The following GFPT1 variants were observed in gnomAD, a reference collection of about 807,000 sequenced individuals.
The protein encoded by GFPT1 is glutamine--fructose-6-phosphate transaminase 1.
GFPT1 carries 40 observed loss-of-function variants against 92.0 expected under a neutral mutation model. That is an observed-to-expected ratio of 0.43 (90% CI 0.34 to 0.57). The LOEUF is 0.57. GFPT1 is among the 20% of genes least tolerant of loss of function. The pLI is 0.02. For synonymous variants in GFPT1, 269 were observed against 280.6 expected (o/e 0.96, Z 0.41); for missense variants, 448 against 869.1 (o/e 0.52, Z 6.09).
At chr2:69,338,659 G>T in intron 13 of GFPT1, 94 bp from the exon 14 acceptor site, 1 of 1,249,430 alleles carries the variant, frequency 8.0e-7, no homozygotes, top group Non-Finnish European at 1.2e-6. Flanking sequence ...TGCTTTTTCT[G>T]ATTACAAAAA....
intron 1 of GFPT1, among the ~76,000 whole-genome samples, chr2:69,384,605 G>A (rs1032366535): frequency 6.7e-5 from 10 of 149,760 alleles, no homozygotes; most frequent in Admixed American, 1.3e-4. Context: ...CCAGCTACTC[G>A]GGAGGTTGAA....
chr2:69,362,361 A>G (rs1238398368), intron 4 of GFPT1, among the ~76,000 whole-genome samples: 3 of 152,202 alleles, frequency 2.0e-5, no homozygotes, highest in Non-Finnish European at 4.4e-5. Flanking sequence ...TCCTGGGCTC[A>G]GGCAATCCCT....
At chr2:69,348,087 A>G (rs1671125786) in intron 11 of GFPT1, 84 bp downstream of exon 11, 1 of 1,049,594 alleles carries the variant, frequency 9.5e-7, no homozygotes, top group African/African-American at 1.6e-5. Flanking sequence ...ATCATTCATT[A>G]CTAGATTTAA....
intron 1 of GFPT1, among the ~76,000 whole-genome samples, chr2:69,377,494 A>C (rs6759162): frequency 0.15 from 4,467 of 30,310 alleles, 211 homozygotes; most frequent in African/African-American, 0.44. Context: ...ACTAAAAATA[A>C]AAATAAAAAA....
intron 1 of GFPT1, among the ~76,000 whole-genome samples, chr2:69,384,503 A>AG (rs779845067): frequency 6.6e-6 from 1 of 151,950 alleles, no homozygotes; most frequent in Non-Finnish European, 1.5e-5. Flanking sequence ...GGATTACCTG[A>AG]GGTCAGCAGA....
At chr2:69,378,039 A>G (rs993301261) in intron 1 of GFPT1, among the ~76,000 whole-genome samples, 5 of 152,196 alleles carry the variant, frequency 3.3e-5, no homozygotes, top group Admixed American at 2.0e-4. Context: ...TTTTTGAAAC[A>G]GAGTCTCGCT....
At chr2:69,352,265 A>G (rs1382665019) in intron 9 of GFPT1, among the ~76,000 whole-genome samples, 1 of 152,016 alleles carries the variant, frequency 6.6e-6, no homozygotes, top group East Asian at 1.9e-4. Flanking sequence ...TTTGTCTCAA[A>G]AACAAAACAA....
At chr2:69,328,479 A>G (rs769024720) in intron 17 of GFPT1, 41 bp from the exon 18 acceptor site, 42 of 1,448,578 alleles carry the variant, frequency 2.9e-5, no homozygotes, top group Non-Finnish European at 6.8e-6. Context: ...TCCACTTTTC[A>G]AAAATCCATG....
intron 3 of GFPT1, among the ~76,000 whole-genome samples, chr2:69,368,077 C>T (rs1360915426): frequency 1.3e-5 from 2 of 152,080 alleles, no homozygotes; most frequent in African/African-American, 4.8e-5. Context: ...GGCAAAACCC[C>T]GTCTCTACTA....
At chr2:69,346,274 T>C (rs1379139906) in intron 11 of GFPT1, among the ~76,000 whole-genome samples, 6 of 152,122 alleles carry the variant, frequency 3.9e-5, no homozygotes, top group African/African-American at 1.2e-4. Flanking sequence ...AGTCTTGCTC[T>C]GTCACCCAGG....
intron 3 of GFPT1, among the ~76,000 whole-genome samples, chr2:69,367,344 T>TTTGTTGTTGTTG (rs144120046): frequency 2.7e-4 from 41 of 150,360 alleles, no homozygotes; most frequent in South Asian, 1.7e-3. Flanking sequence ...CAACTTATTT[T>TTTGTTGTTGTTG]TTGTTGTTGT....
intron 1 of GFPT1, among the ~76,000 whole-genome samples, chr2:69,374,470 C>T (rs963769383): frequency 1.1e-4 from 17 of 151,948 alleles, no homozygotes; most frequent in African/African-American, 3.4e-4. Context: ...CCTGCCACCA[C>T]GCCCAGCTAA....
intron 18 of GFPT1, among the ~76,000 whole-genome samples, chr2:69,327,882 C>T (rs891126420): frequency 1.3e-5 from 2 of 151,678 alleles, no homozygotes; most frequent in Admixed American, 1.3e-4. Context: ...GCAGGTGGAT[C>T]ACTTCAGGTC....
chr2:69,371,103 T>C (rs554565124), intron 2 of GFPT1, among the ~76,000 whole-genome samples: 3 of 143,634 alleles, frequency 2.1e-5, no homozygotes, highest in African/African-American at 7.7e-5. Context: ...TTGAGACAGG[T>C]TCTTGCTCTG....
intron 1 of GFPT1, among the ~76,000 whole-genome samples, chr2:69,377,468 G>C (rs1298130753): frequency 7.0e-6 from 1 of 142,740 alleles, no homozygotes; most frequent in Non-Finnish European, 1.5e-5. Context: ...AACCAACATG[G>C]TGAAACCCCG....
chr2:69,355,817 T>C (rs569953183), intron 7 of GFPT1, among the ~76,000 whole-genome samples: 3 of 152,142 alleles, frequency 2.0e-5, no homozygotes, highest in Non-Finnish European at 2.9e-5. Flanking sequence ...GAAGTAGTGA[T>C]GGTACAATTA....
chr2:69,330,116 G>A (rs1670625729), intron 15 of GFPT1, among the ~76,000 whole-genome samples: 1 of 152,046 alleles, frequency 6.6e-6, no homozygotes, highest in Non-Finnish European at 1.5e-5. Context: ...TACTCAGGAG[G>A]ATCACTTGAG....
At chr2:69,357,401 C>G (rs369891508) in intron 6 of GFPT1, among the ~76,000 whole-genome samples, 11 of 152,256 alleles carry the variant, frequency 7.2e-5, no homozygotes, top group African/African-American at 2.6e-4. Flanking sequence ...GAATCAAGAA[C>G]AGATAAAAGA....
At chr2:69,366,927 A>T (rs991453186) in intron 3 of GFPT1, among the ~76,000 whole-genome samples, 3 of 152,180 alleles carry the variant, frequency 2.0e-5, no homozygotes, top group African/African-American at 7.2e-5. Flanking sequence ...AATACTTCAA[A>T]CATATTTAAA....
Sources: gnomAD v4.1 joint callset for allele counts (sites outside exome capture counted in the v4.1 genomes callset) on GRCh38, gnomAD v4.1.1 for gene constraint, MANE v1.5 for transcripts, NCBI Gene and HGNC (gene_info 2026-07-23, HGNC 2026-07-21) for gene names.